DMTF1: variants seen among roughly 807,000 people sequenced by gnomAD.
The protein encoded by DMTF1 is cyclin D binding myb like transcription factor 1, also known as cyclin-D-binding Myb-like transcription factor 1.
Under a neutral mutation model 91.1 loss-of-function variants are expected in DMTF1, and 39 were observed. The observed-to-expected ratio is 0.43, with a 90% CI of 0.33 to 0.56. DMTF1 has a LOEUF of 0.56. Among genes scored for constraint, DMTF1 ranks in the 20% least tolerant of loss-of-function variants. The probability of loss-of-function intolerance (pLI) is 0.05; values close to 1 mark genes in which losing one functional copy is unlikely to be tolerated. For missense variants in DMTF1, 750 were observed against 914.5 expected (o/e 0.82, Z 2.32); for synonymous variants, 338 against 309.5 (o/e 1.09, Z -0.97).
Position 87,174,675 on chromosome 7 carries a change from T to G in DMTF1, c.519+6T>G. ...ATATTGAACGCTATCTTAAGGTATC[T>G]TATGGCATATTTTTATGTTTCACCA... On this transcript the variant is annotated splice_donor_region_variant and intron_variant, in intron 7 of 17. Coordinates refer to ENST00000331242, the MANE Select transcript of DMTF1 (RefSeq NM_001142327.2). 6.3e-7 allele frequency: 1 copy of G among 1,588,336 alleles called. No individual in the cohort carries two copies.
intron 1 of DMTF1, among the ~76,000 whole-genome samples, chr7:87,160,421 C>T (rs1792001973): frequency 6.6e-6 from 1 of 151,886 alleles, no homozygotes; most frequent in African/African-American, 2.4e-5. Context: ...ATTACAGGCG[C>T]CTGCCACCAC....
Position 87,182,345 on chromosome 7 carries a change from GACT to G in DMTF1, c.820+15_820+17del. The stretch of plus-strand genomic sequence containing the variant: ...AGGATACTTGCAACACAGGTACTGT[GACT>G]ACTACTGGTAGCGTTTTCTTGTCAC... On this transcript the variant is annotated intron_variant, in intron 10 of 17. Coordinates refer to ENST00000331242, the MANE Select transcript of DMTF1 (RefSeq NM_001142327.2). 6.2e-7 allele frequency: 1 copy of G among 1,613,880 alleles called. No individual in the cohort carries two copies. Among genetic ancestry groups the G allele is most frequent in the Non-Finnish European group, 8.5e-7 (1 of 1,179,866 alleles).
chr7:87,186,013 C>G (rs752546249), intron 12 of DMTF1, 33 bp downstream of exon 12: 1 of 1,611,358 alleles, frequency 6.2e-7, no homozygotes, highest in South Asian at 1.1e-5. Flanking sequence ...AGCTCCTCCC[C>G]TTTTCTTACC....
chr7:87,154,897 G>A lies in DMTF1; in HGVS notation c.-132+2342G>A, dbSNP rs529813998. Reference sequence around the variant, plus strand: ...GTATTTAAATAACAACAAAAAACTTGCCTTTACCTCCTCCGCAAAAAATCT... The same window carrying A: ...GTATTTAAATAACAACAAAAAACTTACCTTTACCTCCTCCGCAAAAAATCT... On this transcript the variant is annotated intron_variant, in intron 1 of 17. Coordinates refer to ENST00000331242, the MANE Select transcript of DMTF1 (RefSeq NM_001142327.2). Among the ~76,000 whole-genome samples, 5 of 152,172 alleles carry A rather than the reference G, an allele frequency of 3.3e-5. No individual in the cohort carries two copies. The South Asian group carries it at 1.0e-3, about 32-fold the overall frequency.
intron 5 of DMTF1, 45 bp downstream of exon 5, chr7:87,171,134 A>C: frequency 7.7e-7 from 1 of 1,299,642 alleles, no homozygotes; most frequent in Non-Finnish European, 1.1e-6. Flanking sequence ...GATCCTTTAC[A>C]CATTGCTTAG....
At chr7:87,185,024 C>A in intron 11 of DMTF1, 1 of 369,416 alleles carries the variant, frequency 2.7e-6, no homozygotes, top group Non-Finnish European at 5.3e-6. Flanking sequence ...GGCTACTGTG[C>A]TAAGATTGCC....
rs748064387 is a variant in DMTF1, at chr7:87,195,142, A to G, written c.*2A>G. On this transcript the variant is annotated 3_prime_UTR_variant, in exon 18 of 18. Transcript: ENST00000331242. ...GAAGATTTGGTAAACTGTCATTAGAATAATTCTTAGAAATAGGCAGTTCAA... is the reference window on the plus strand; with the variant it reads ...GAAGATTTGGTAAACTGTCATTAGAGTAATTCTTAGAAATAGGCAGTTCAA... 1 of 1,601,106 alleles carries G rather than the reference A, an allele frequency of 6.2e-7. No individual in the cohort carries two copies. Among genetic ancestry groups the G allele is most frequent in the Non-Finnish European group, 8.6e-7 (1 of 1,169,118 alleles).
chr7:87,162,270 T>G (rs1280764367), intron 1 of DMTF1, among the ~76,000 whole-genome samples: 2 of 152,056 alleles, frequency 1.3e-5, no homozygotes, highest in African/African-American at 4.8e-5. Context: ...AGACTAGATC[T>G]CACTATCTCA....
Position 87,179,760 on chromosome 7 carries a change from C to G in DMTF1, c.677+58C>G, listed in dbSNP as rs1210301041. On this transcript the variant is annotated intron_variant, in intron 8 of 17. Coordinates refer to ENST00000331242, the MANE Select transcript of DMTF1 (RefSeq NM_001142327.2). ...GTAATTAGGGGAAATATTTGAGGAA[C>G]TGTCCATTTTTTTAAACAATAGAAA... The G allele has an allele frequency of 3.1e-5, 46 of 1,469,762 alleles. No individual in the cohort carries two copies. In the East Asian group the frequency reaches 1.1e-3, roughly 37 times the overall value. 91.0% of individuals were successfully genotyped at this position (1,469,762 alleles called of 1,614,324 possible).
In DMTF1 at chr7:87,193,802, C is replaced by T. The variant is rs145262182; in HGVS notation, c.1728C>T (p.Ala576=). The T allele has an allele frequency of 1.2e-6, 2 of 1,612,924 alleles. No homozygotes were observed. The highest frequency in any genetic ancestry group is 2.7e-5 in the African/African-American group (2 of 74,760). Residue 576 remains alanine, a synonymous_variant, in exon 16 of 18, where the codon GCC becomes GCT. Coordinates refer to ENST00000331242, the MANE Select transcript of DMTF1 (RefSeq NM_001142327.2). ...CAAGAGTCATCATTCAGACTGTTGC[C>T]ACAGAGGACATCACTTCTTCCATAT... The part of the protein sequence containing the change: ...HTPRVIIQTV[A]TEDITSSISQ...
intron 4 of DMTF1, among the ~76,000 whole-genome samples, chr7:87,169,298 C>T (rs113171102): frequency 1.3e-5 from 2 of 151,688 alleles, no homozygotes; most frequent in Non-Finnish European, 1.5e-5. Flanking sequence ...GTCTTTACAA[C>T]GAATACAAAA....
intron 7 of DMTF1, among the ~76,000 whole-genome samples, chr7:87,176,223 A>T (rs1796233973): frequency 6.6e-6 from 1 of 152,232 alleles, no homozygotes; most frequent in Non-Finnish European, 1.5e-5. Flanking sequence ...TAAAACTCTA[A>T]TTCTTCACTA....
chr7:87,184,605 T>C lies in DMTF1; in HGVS notation c.1029T>C (p.Asp343=). The C allele has an allele frequency of 6.2e-7, 1 of 1,613,878 alleles. No individual in the cohort carries two copies. Residue 343 remains aspartate, a synonymous_variant, in exon 11 of 18, where the codon GAT becomes GAC. Transcript: ENST00000331242. ...QSGGTEWTKE[D]EINLILRIAE... ...GGGGTACTGAATGGACCAAGGAAGA[T>C]GAAATCAATCTCATCCTCAGGTTTG...
intron 14 of DMTF1, among the ~76,000 whole-genome samples, chr7:87,191,507 T>C (rs1799766032): frequency 6.6e-6 from 1 of 152,106 alleles, no homozygotes; most frequent in Admixed American, 6.6e-5. Context: ...ATCTGTCCAA[T>C]AAAAACTTGT....
intron 15 of DMTF1, 79 bp downstream of exon 15, chr7:87,193,432 G>A: frequency 6.9e-7 from 1 of 1,447,316 alleles, no homozygotes; most frequent in Non-Finnish European, 9.6e-7. Flanking sequence ...ATAGAAGGTA[G>A]TTATCTAAAC....
chr7:87,193,532 G>A lies in DMTF1; in HGVS notation c.1650+179G>A, dbSNP rs1486625667. On this transcript the variant is annotated intron_variant, in intron 15 of 17. Transcript: ENST00000331242. ...TGTATGTTTCATCCCTTCTCTTTAT[G>A]TAAGATGGCTATACATTAGAATAGG... 9.9e-6 allele frequency: 8 copies of A among 805,086 alleles called. No individual in the cohort carries two copies. The Middle Eastern group carries it at 1.1e-3, about 110-fold the overall frequency. 49.9% of individuals were successfully genotyped at this position (805,086 alleles called of 1,614,324 possible).
intron 5 of DMTF1, 29 bp from the exon 6 acceptor site, chr7:87,173,506 T>G: frequency 6.8e-7 from 1 of 1,481,292 alleles, no homozygotes; most frequent in Non-Finnish European, 9.3e-7. Flanking sequence ...TTGTTTTGTT[T>G]TGTTTTGTTT....
chr7:87,178,544 A>G (rs1796718427), intron 7 of DMTF1, among the ~76,000 whole-genome samples: 1 of 152,062 alleles, frequency 6.6e-6, no homozygotes, highest in Admixed American at 6.6e-5. Flanking sequence ...AATTACATTA[A>G]TAATTTCCCT....
chr7:87,184,092 T>G (rs1422672025), intron 10 of DMTF1, among the ~76,000 whole-genome samples: 1 of 152,236 alleles, frequency 6.6e-6, no homozygotes, highest in Admixed American at 6.5e-5. Context: ...CTTCACTGTT[T>G]ATAAAGGACT....
Sources: allele counts gnomAD v4.1 joint callset (sites outside exome capture counted in the v4.1 genomes callset), GRCh38; gene constraint gnomAD v4.1.1; transcripts MANE v1.5; gene names NCBI Gene and HGNC (gene_info 2026-07-23, HGNC 2026-07-21).